MAGI2: variants seen among roughly 807,000 people sequenced by gnomAD.
MAGI2 encodes membrane associated guanylate kinase, WW and PDZ domain containing 2.
Under a neutral mutation model 133.3 loss-of-function variants are expected in MAGI2, and 35 were observed. The ratio of observed to expected loss-of-function variants is 0.26; its 90% CI spans 0.20 to 0.35. The LOEUF is 0.35. Ranked by LOEUF, MAGI2 falls within the 10% of genes least tolerant of loss-of-function variation. The probability of loss-of-function intolerance (pLI) is 1.00; values close to 1 mark genes in which losing one functional copy is unlikely to be tolerated. For missense variants in MAGI2, 1,636 were observed against 1,863.4 expected (o/e 0.88, Z 2.25); for synonymous variants, 729 against 710.6 (o/e 1.03, Z -0.41).
intron 1 of MAGI2, among the ~76,000 whole-genome samples, chr7:79,218,955 A>G (rs898613880): frequency 5.3e-5 from 8 of 152,086 alleles, no homozygotes; most frequent in Admixed American, 4.6e-4. Flanking sequence ...GATGTCCCTG[A>G]CAAAGAAGAA....
chr7:78,716,588 T>G (rs1340461721), intron 2 of MAGI2, among the ~76,000 whole-genome samples: 1 of 152,202 alleles, frequency 6.6e-6, no homozygotes, highest in Non-Finnish European at 1.5e-5. Context: ...TGTTGCTGTT[T>G]TTACAAAATC....
At chr7:79,340,627 G>T (rs533880337) in intron 1 of MAGI2, among the ~76,000 whole-genome samples, 1 of 152,116 alleles carries the variant, frequency 6.6e-6, no homozygotes, top group South Asian at 2.1e-4. Flanking sequence ...GGTATTAATT[G>T]TCTGCCAGTT....
intron 1 of MAGI2, among the ~76,000 whole-genome samples, chr7:79,060,003 A>G (rs1044021265): frequency 3.3e-5 from 5 of 152,130 alleles, no homozygotes; most frequent in Admixed American, 3.3e-4. Flanking sequence ...CTGGGGCCCA[A>G]CCAGTGGCTG....
intron 6 of MAGI2, among the ~76,000 whole-genome samples, chr7:78,407,569 T>C (rs1293831107): frequency 6.6e-6 from 1 of 151,598 alleles, no homozygotes; most frequent in African/African-American, 2.4e-5. Context: ...TCCAGTGGAG[T>C]TGAGTAACGA....
At position 79,146,332 on chromosome 7, in the gene MAGI2, C is replaced by T. The variant is rs937858453; in HGVS notation, c.302-139126G>A. Among the ~76,000 whole-genome samples, 19 of 152,146 alleles carry T rather than the reference C, an allele frequency of 1.2e-4. 1 individual carries two copies. The highest frequency in any genetic ancestry group is 3.2e-3 in the Middle Eastern group (1 of 316). On this transcript the variant is annotated intron_variant, in intron 1 of 21. Transcript: ENST00000354212. ...TCTTGTTTGTCTCTTGCTGTTCTCA[C>T]GAGTTCATGTGTTGAAATTCAGCTT... is the stretch of plus-strand genomic sequence containing the variant.
intron 10 of MAGI2, among the ~76,000 whole-genome samples, chr7:78,243,080 T>G (rs776636546): frequency 7.2e-5 from 11 of 151,972 alleles, no homozygotes; most frequent in Non-Finnish European, 1.5e-4. Flanking sequence ...TCAAAATAAA[T>G]AAATAAATAT....
intron 16 of MAGI2, among the ~76,000 whole-genome samples, chr7:78,136,822 C>T (rs1434522979): frequency 6.6e-6 from 1 of 152,210 alleles, no homozygotes; most frequent in Non-Finnish European, 1.5e-5. Context: ...TAGCTAATAA[C>T]CATGGCAAGG....
At chr7:78,170,612 G>A (rs1826021856) in intron 14 of MAGI2, 1 of 152,108 alleles carries the variant, frequency 6.6e-6, no homozygotes, top group African/African-American at 2.4e-5. Context: ...TAGGATGCCA[G>A]AAAGGATGTA....
At chr7:78,642,334 G>A (rs1489178634) in intron 2 of MAGI2, among the ~76,000 whole-genome samples, 1 of 152,172 alleles carries the variant, frequency 6.6e-6, no homozygotes, top group Non-Finnish European at 1.5e-5. Context: ...CCATGGTTCA[G>A]TAAAACGAGC....
intron 3 of MAGI2, among the ~76,000 whole-genome samples, chr7:78,566,829 T>C (rs1317125071): frequency 1.3e-5 from 2 of 152,140 alleles, no homozygotes; most frequent in African/African-American, 4.8e-5. Flanking sequence ...ATTTATAGCA[T>C]CAAGGCCTAA....
At chr7:78,076,386 T>C (rs1258355537) in intron 21 of MAGI2, among the ~76,000 whole-genome samples, 1 of 148,708 alleles carries the variant, frequency 6.7e-6, no homozygotes. Flanking sequence ...TTGAGCCTGG[T>C]TAGCAGAGGT....
intron 2 of MAGI2, among the ~76,000 whole-genome samples, chr7:78,970,978 C>T (rs900799050): frequency 2.6e-5 from 4 of 151,992 alleles, no homozygotes; most frequent in Admixed American, 1.3e-4. Flanking sequence ...TTTGGGGTCT[C>T]GTACTTTCCA....
intron 10 of MAGI2, among the ~76,000 whole-genome samples, chr7:78,219,517 G>T (rs917981125): frequency 6.6e-6 from 1 of 151,986 alleles, no homozygotes; most frequent in Non-Finnish European, 1.5e-5. Context: ...AGGGCCTCTC[G>T]TACTACTGAA....
At chr7:78,423,902 G>A (rs1478995819) in intron 6 of MAGI2, among the ~76,000 whole-genome samples, 1 of 152,142 alleles carries the variant, frequency 6.6e-6, no homozygotes, top group Non-Finnish European at 1.5e-5. Context: ...TATAAGGGAA[G>A]CAGAGCATAA....
intron 2 of MAGI2, among the ~76,000 whole-genome samples, chr7:78,837,875 T>C (rs897421818): frequency 1.3e-5 from 2 of 152,138 alleles, no homozygotes; most frequent in Non-Finnish European, 2.9e-5. Context: ...TTGAGGTTTT[T>C]CACTAGCAAA....
In MAGI2 at chr7:78,623,951, G is replaced by A. The variant is rs138997710; in HGVS notation, c.538+3169C>T. ...GGATGTTAGTATAACAAAACCTACC[G>A]TTCTATCAATTGTATAAAAGTACAG... On this transcript the variant is annotated intron_variant, in intron 3 of 21. Transcript: ENST00000354212. Among the ~76,000 whole-genome samples the A allele has an allele frequency of 2.7e-3, 413 of 152,062 alleles. 4 individuals are homozygous for A. The highest frequency in any genetic ancestry group is 9.2e-3 in the African/African-American group (380 of 41,494).
chr7:79,182,827 T>C (rs1340561678), intron 1 of MAGI2, among the ~76,000 whole-genome samples: 1 of 151,904 alleles, frequency 6.6e-6, no homozygotes, highest in Non-Finnish European at 1.5e-5. Flanking sequence ...GATAAATGGA[T>C]AAAGAAAATG....
chr7:78,735,521 G>T (rs530380999), intron 2 of MAGI2, among the ~76,000 whole-genome samples: 4 of 152,246 alleles, frequency 2.6e-5, no homozygotes, highest in South Asian at 2.1e-4. Flanking sequence ...CATTGGCATT[G>T]GTTTTCCTTG....
chr7:78,159,971 G>A, intron 16 of MAGI2, 54 bp downstream of exon 16: 3 of 1,513,364 alleles, frequency 2.0e-6, no homozygotes, highest in Non-Finnish European at 2.7e-6. Flanking sequence ...TGTATCACTG[G>A]AACAAATCAA....
Sources: allele counts gnomAD v4.1 joint callset (sites outside exome capture counted in the v4.1 genomes callset), GRCh38; gene constraint gnomAD v4.1.1; transcripts MANE v1.5; gene names NCBI Gene and HGNC (gene_info 2026-07-23, HGNC 2026-07-21).